The following EDIL3 variants were observed in gnomAD, a reference collection of about 807,000 sequenced individuals.
EDIL3 encodes EGF like and discoidin domains 3, also known as EGF-like repeat and discoidin I-like domain-containing protein 3.
EDIL3 carries 37 observed loss-of-function variants against 67.4 expected under a neutral mutation model. The ratio of observed to expected loss-of-function variants is 0.55; its 90% CI spans 0.42 to 0.72. The LOEUF (loss-of-function observed/expected upper bound fraction) is 0.72, where lower values mean the gene tolerates loss of function less well. Among genes scored for constraint, EDIL3 ranks in the 30% least tolerant of loss-of-function variants. EDIL3 has a pLI of 0.00. For synonymous variants in EDIL3, 195 were observed against 196.3 expected (o/e 0.99, Z 0.05); for missense variants, 527 against 586.3 (o/e 0.90, Z 1.04).
In EDIL3 at chr5:83,954,221, ATAT is replaced by A. The variant is rs556708703; in HGVS notation, c.1293+8981_1293+8983del. 2.9e-3 allele frequency among the ~76,000 whole-genome samples: 436 copies of A among 151,838 alleles called. 2 individuals are homozygous for A. Among genetic ancestry groups the A allele is most frequent in the African/African-American group, 0.01 (418 of 41,480 alleles). ...TTTTATCATATAATAAACAATCAAA[ATAT>A]TAGTTGTTTGGTGATTATTTAGAAA... On this transcript the variant is annotated intron_variant, in intron 10 of 10. Transcript: ENST00000296591.
intron 3 of EDIL3, among the ~76,000 whole-genome samples, chr5:84,229,051 C>T (rs914962852): frequency 6.6e-6 from 1 of 152,136 alleles, no homozygotes; most frequent in Admixed American, 6.6e-5. Flanking sequence ...CCTCTCAGGA[C>T]TTGACTCTAT....
chr5:84,174,733 C>T (rs1464752603), intron 4 of EDIL3, among the ~76,000 whole-genome samples: 1 of 152,136 alleles, frequency 6.6e-6, no homozygotes, highest in African/African-American at 2.4e-5. Context: ...TGGAGAGCTG[C>T]TGCTTTCCAC....
At position 84,190,571 on chromosome 5, in the gene EDIL3, GTGTGTGTGTATATATATATATA is replaced by G. The variant is rs1438002759; in HGVS notation, c.227-10072_227-10051del. Among the ~76,000 whole-genome samples, 242 of 63,222 alleles carry G rather than the reference GTGTGTGTGTATATATATATATA, an allele frequency of 3.8e-3. 6 individuals are homozygous for G. The East Asian group carries it at 0.096, about 25-fold the overall frequency. The allele number at this position is 63,222 out of a possible 152,430, so 41.5% of individuals were successfully genotyped here. A position where few individuals can be genotyped will look rare whatever the true frequency, so the allele number is the denominator to read the frequency against. ...TATATATGTGTGTGTGTGTGTGTGT[GTGTGTGTGTATATATATATATA>G]TATATATATATAATAAACAAATATC... On this transcript the variant is annotated intron_variant, in intron 3 of 10. Coordinates refer to ENST00000296591, the MANE Select transcript of EDIL3 (RefSeq NM_005711.5).
intron 1 of EDIL3, among the ~76,000 whole-genome samples, chr5:84,345,357 A>C (rs954165505): frequency 6.6e-6 from 1 of 152,142 alleles, no homozygotes; most frequent in East Asian, 1.9e-4. Context: ...ACTACTCATT[A>C]CCCTTAAATT....
intron 1 of EDIL3, among the ~76,000 whole-genome samples, chr5:84,289,390 C>G (rs1380318872): frequency 1.3e-5 from 2 of 152,188 alleles, no homozygotes; most frequent in African/African-American, 4.8e-5. Flanking sequence ...CCAGAACTTA[C>G]TATTTCCCAG....
intron 1 of EDIL3, among the ~76,000 whole-genome samples, chr5:84,327,108 A>G (rs1248502371): frequency 2.0e-5 from 3 of 151,810 alleles, no homozygotes; most frequent in Non-Finnish European, 2.9e-5. Context: ...TATAGTTACC[A>G]TTATTTTGTA....
chr5:84,364,228 A>T (rs914934102), intron 1 of EDIL3, among the ~76,000 whole-genome samples: 1 of 152,194 alleles, frequency 6.6e-6, no homozygotes, highest in Non-Finnish European at 1.5e-5. Flanking sequence ...TATCTTGATC[A>T]TTACATATGC....
intron 2 of EDIL3, among the ~76,000 whole-genome samples, chr5:84,247,846 G>T (rs757048184): frequency 6.6e-5 from 10 of 151,892 alleles, no homozygotes; most frequent in South Asian, 4.2e-4. Flanking sequence ...AAGATAAAAA[G>T]AAATTATAAA....
chr5:84,114,910 AT>A (rs944193105), intron 5 of EDIL3, among the ~76,000 whole-genome samples: 1 of 151,982 alleles, frequency 6.6e-6, no homozygotes, highest in East Asian at 1.9e-4. Context: ...CAATTTGTGC[AT>A]TTTTTTTCCC....
At chr5:84,304,893 A>G (rs1746235651) in intron 1 of EDIL3, among the ~76,000 whole-genome samples, 1 of 152,242 alleles carries the variant, frequency 6.6e-6, no homozygotes, top group Admixed American at 6.5e-5. Context: ...CTTTGGAAAT[A>G]TATAAAAAGC....
At chr5:84,361,303 A>ACACACACACT (rs1554044180) in intron 1 of EDIL3, among the ~76,000 whole-genome samples, 1 of 147,226 alleles carries the variant, frequency 6.8e-6, no homozygotes, top group African/African-American at 2.5e-5. Context: ...ACACACACAC[A>ACACACACACT]CTTCAGATTT....
intron 3 of EDIL3, among the ~76,000 whole-genome samples, chr5:84,201,852 A>G (rs991093262): frequency 5.3e-5 from 8 of 152,146 alleles, no homozygotes; most frequent in Non-Finnish European, 8.8e-5. Flanking sequence ...ATTCTATTCA[A>G]TGCAAAAAGA....
intron 3 of EDIL3, among the ~76,000 whole-genome samples, chr5:84,221,121 A>C (rs1420979645): frequency 6.6e-6 from 1 of 152,150 alleles, no homozygotes; most frequent in Non-Finnish European, 1.5e-5. Context: ...CACAATACAT[A>C]ATAACTATTT....
chr5:84,066,671 A>C (rs1418866397), intron 6 of EDIL3, 65 bp from the exon 7 acceptor site: 1 of 1,546,778 alleles, frequency 6.5e-7, no homozygotes, highest in African/African-American at 1.4e-5. Flanking sequence ...TGAAAATACG[A>C]ATTTTAGAAA....
intron 2 of EDIL3, among the ~76,000 whole-genome samples, chr5:84,252,252 G>C (rs1308444781): frequency 1.3e-5 from 2 of 151,986 alleles, no homozygotes; most frequent in Non-Finnish European, 2.9e-5. Flanking sequence ...AACACTTTGG[G>C]AGGCCGAGGT....
intron 1 of EDIL3, among the ~76,000 whole-genome samples, chr5:84,264,332 T>A (rs1379860027): frequency 6.6e-6 from 1 of 152,090 alleles, no homozygotes; most frequent in Non-Finnish European, 1.5e-5. Flanking sequence ...GACCAGAAGT[T>A]TGAGAAGGAT....
At chr5:84,114,362 G>A (rs952315797) in intron 5 of EDIL3, among the ~76,000 whole-genome samples, 3 of 151,964 alleles carry the variant, frequency 2.0e-5, no homozygotes, top group African/African-American at 4.8e-5. Context: ...TGGAAAAATG[G>A]CCAAAAAGTT....
rs148605841 is a variant in EDIL3 at position 84,227,273 on chromosome 5, G to A, written c.226+2582C>T. ...CAACCCCAGTAAAAATTGGGCAAAG[G>A]ACATGGACAGACACTTATCAAAAGA... On this transcript the variant is annotated intron_variant, in intron 3 of 10. Transcript: ENST00000296591. 2.0e-5 allele frequency among the ~76,000 whole-genome samples: 3 copies of A among 151,956 alleles called. No homozygotes were observed. In the East Asian group the frequency reaches 5.8e-4, roughly 29 times the overall value.
At chr5:84,119,735 T>G (rs1000531551) in intron 5 of EDIL3, among the ~76,000 whole-genome samples, 2 of 152,114 alleles carry the variant, frequency 1.3e-5, no homozygotes, top group African/African-American at 4.8e-5. Flanking sequence ...TAATCTTATC[T>G]TTAGGATAAA....
Sources: gnomAD v4.1 joint callset for allele counts (sites outside exome capture counted in the v4.1 genomes callset) on GRCh38, gnomAD v4.1.1 for gene constraint, MANE v1.5 for transcripts, NCBI Gene and HGNC (gene_info 2026-07-23, HGNC 2026-07-21) for gene names.